Variants in LRRTM4 observed in about 807,000 individuals in gnomAD.
LRRTM4 encodes the protein leucine rich repeat transmembrane neuronal 4, also known as leucine-rich repeat transmembrane neuronal protein 4.
A neutral mutation model predicts 47.6 loss-of-function variants in LRRTM4; 25 were observed. The ratio of observed to expected loss-of-function variants is 0.53; its 90% CI spans 0.38 to 0.73. The LOEUF is 0.73. Ranked by LOEUF, LRRTM4 falls within the 30% of genes least tolerant of loss-of-function variation. The pLI is 0.00. For synonymous variants in LRRTM4, 311 were observed against 269.5 expected, an observed-to-expected ratio of 1.15 and a Z score of -1.51; for missense variants, 638 against 713.4, an observed-to-expected ratio of 0.89 and a Z score of 1.20.
At chr2:77,304,728 G>A (rs1338377431) in intron 3 of LRRTM4, among the ~76,000 whole-genome samples, 2 of 152,046 alleles carry the variant, frequency 1.3e-5, no homozygotes, top group Non-Finnish European at 2.9e-5. Flanking sequence ...ATTATGCTCA[G>A]TGTTTTCCCT....
chr2:77,203,352 T>A (rs2103904410), intron 3 of LRRTM4, among the ~76,000 whole-genome samples: 1 of 152,062 alleles, frequency 6.6e-6, no homozygotes, highest in Non-Finnish European at 1.5e-5. Context: ...CAGGGGATGG[T>A]AATTAATGAA....
chr2:77,489,569 AT>A (rs1475276084), intron 3 of LRRTM4, among the ~76,000 whole-genome samples: 1 of 152,184 alleles, frequency 6.6e-6, no homozygotes, highest in African/African-American at 2.4e-5. Context: ...AGTTTTCTTT[AT>A]TTCAAAAATG....
intron 3 of LRRTM4, among the ~76,000 whole-genome samples, chr2:76,787,930 C>A (rs950148688): frequency 1.1e-4 from 16 of 152,002 alleles, no homozygotes; most frequent in African/African-American, 3.6e-4. Context: ...TAAGTAAAAT[C>A]TTTAACATGA....
chr2:77,115,371 T>C (rs954862879), intron 3 of LRRTM4, among the ~76,000 whole-genome samples: 1 of 152,208 alleles, frequency 6.6e-6, no homozygotes, highest in African/African-American at 2.4e-5. Context: ...TTTCATATTG[T>C]TCGAACACAC....
chr2:76,803,039 G>C (rs970839297), intron 3 of LRRTM4, among the ~76,000 whole-genome samples: 1 of 152,054 alleles, frequency 6.6e-6, no homozygotes, highest in Admixed American at 6.6e-5. Context: ...ATTGGTCTGG[G>C]TAATGATTTA....
intron 3 of LRRTM4, among the ~76,000 whole-genome samples, chr2:77,222,917 T>A (rs1674682600): frequency 6.6e-6 from 1 of 152,132 alleles, no homozygotes. Context: ...ACGAGAATTT[T>A]AGACCAATAT....
intron 3 of LRRTM4, among the ~76,000 whole-genome samples, chr2:77,198,434 A>G (rs1336631827): frequency 6.6e-6 from 1 of 152,180 alleles, no homozygotes; most frequent in Non-Finnish European, 1.5e-5. Flanking sequence ...AATCATAAAT[A>G]TGTTAGCCTC....
chr2:77,359,437 T>C (rs1470924076), intron 3 of LRRTM4, among the ~76,000 whole-genome samples: 1 of 152,192 alleles, frequency 6.6e-6, no homozygotes. Context: ...TACATTATAT[T>C]AACTATTGTA....
chr2:77,233,535 G>A lies in LRRTM4; in HGVS notation c.1551+284783C>T, dbSNP rs188395420. On this transcript the variant is annotated intron_variant, in intron 3 of 3. Coordinates refer to ENST00000409884, the MANE Select transcript of LRRTM4 (RefSeq NM_001134745.3). ...TTATTTCTAAATATTACTATATTTT[G>A]TTTATTTAATTTTCTACATATGAAG... 2.3e-4 allele frequency among the ~76,000 whole-genome samples: 34 copies of A among 150,082 alleles called. No individual in the cohort carries two copies. In the East Asian group the frequency reaches 5.8e-3, roughly 26 times the overall value.
At chr2:77,312,672 A>T (rs1677490637) in intron 3 of LRRTM4, among the ~76,000 whole-genome samples, 1 of 152,118 alleles carries the variant, frequency 6.6e-6, no homozygotes, top group Admixed American at 6.6e-5. Context: ...CCATTTTCAA[A>T]TCATGGCTTA....
chr2:77,208,304 C>G (rs565583626), intron 3 of LRRTM4, among the ~76,000 whole-genome samples: 2 of 152,096 alleles, frequency 1.3e-5, no homozygotes, highest in Admixed American at 6.6e-5. Context: ...CTCCCTTTCT[C>G]GCACACAGAA....
Position 76,840,970 on chromosome 2 carries a change from G to A in LRRTM4, c.1552-92054C>T, listed in dbSNP as rs1671657500. On this transcript the variant is annotated intron_variant, in intron 3 of 3. Coordinates refer to ENST00000409884, the MANE Select transcript of LRRTM4 (RefSeq NM_001134745.3). ...AAATCATGCTGCTATAAAGACACATGCACACGTATGTTTATTGTGGCACTA... is the reference window on the plus strand; with the variant it reads ...AAATCATGCTGCTATAAAGACACATACACACGTATGTTTATTGTGGCACTA... Among the ~76,000 whole-genome samples, 5 of 151,702 alleles carry A rather than the reference G, an allele frequency of 3.3e-5. No homozygotes were observed. In the South Asian group the frequency reaches 1.0e-3, roughly 32 times the overall value.
chr2:77,138,398 G>C (rs1672013639), intron 3 of LRRTM4, among the ~76,000 whole-genome samples: 1 of 152,154 alleles, frequency 6.6e-6, no homozygotes, highest in Non-Finnish European at 1.5e-5. Flanking sequence ...AATGAAGGCA[G>C]AAATAAAGAT....
chr2:76,781,638 A>G (rs192118160), intron 3 of LRRTM4, among the ~76,000 whole-genome samples: 1 of 152,184 alleles, frequency 6.6e-6, no homozygotes, highest in Non-Finnish European at 1.5e-5. Flanking sequence ...GCACCCACTG[A>G]CCTGCGCCCA....
At chr2:76,758,392 C>G (rs1308634852) in intron 3 of LRRTM4, among the ~76,000 whole-genome samples, 3 of 152,060 alleles carry the variant, frequency 2.0e-5, no homozygotes, top group Admixed American at 2.0e-4. Flanking sequence ...TACAGACTGA[C>G]ACAGAAGGAA....
At chr2:77,295,610 G>A (rs954023530) in intron 3 of LRRTM4, among the ~76,000 whole-genome samples, 1 of 152,132 alleles carries the variant, frequency 6.6e-6, no homozygotes, top group Non-Finnish European at 1.5e-5. Context: ...TAGTTCTGGA[G>A]GTTTAGCAGT....
chr2:77,216,728 G>C (rs1234727226), intron 3 of LRRTM4, among the ~76,000 whole-genome samples: 1 of 151,988 alleles, frequency 6.6e-6, no homozygotes, highest in African/African-American at 2.4e-5. Context: ...GCTAGGAAGA[G>C]CATATTTCGG....
chr2:77,357,324 C>T (rs969028157), intron 3 of LRRTM4, among the ~76,000 whole-genome samples: 1 of 152,066 alleles, frequency 6.6e-6, no homozygotes, highest in African/African-American at 2.4e-5. Context: ...TATGATGATC[C>T]TGACCTTTTT....
chr2:76,881,666 G>A (rs1423544935), intron 3 of LRRTM4, among the ~76,000 whole-genome samples: 1 of 151,712 alleles, frequency 6.6e-6, no homozygotes, highest in Admixed American at 6.6e-5. Flanking sequence ...ACCATGAAAA[G>A]TAAAATAGAG....
Sources: allele counts gnomAD v4.1 joint callset (sites outside exome capture counted in the v4.1 genomes callset), GRCh38; gene constraint gnomAD v4.1.1; transcripts MANE v1.5; gene names NCBI Gene and HGNC (gene_info 2026-07-23, HGNC 2026-07-21).